HS6ST3: variants seen among roughly 807,000 people sequenced by gnomAD.
HS6ST3 encodes the protein heparan-sulfate 6-O-sulfotransferase 3.
HS6ST3 carries 12 observed loss-of-function variants against 36.7 expected under a neutral mutation model. The ratio of observed to expected loss-of-function variants is 0.33; its 90% confidence interval spans 0.21 to 0.53. The LOEUF (loss-of-function observed/expected upper bound fraction) is 0.53, where lower values mean the gene tolerates loss of function less well. Ranked by LOEUF, HS6ST3 falls within the 20% of genes least tolerant of loss-of-function variation. The pLI is 0.95. For missense variants in HS6ST3, 584 were observed against 640.9 expected, an observed-to-expected ratio of 0.91 and a Z score of 0.96; for synonymous variants, 240 against 257.5, an observed-to-expected ratio of 0.93 and a Z score of 0.65.
chr13:96,785,536 A>G (rs72646743), intron 1 of HS6ST3, among the ~76,000 whole-genome samples: 19,425 of 152,102 alleles, frequency 0.13, 1,850 homozygotes, highest in African/African-American at 0.27. Flanking sequence ...CTCCTGGTCC[A>G]CTGTTGCAAG....
At chr13:96,352,687 G>A (rs190165320) in intron 1 of HS6ST3, among the ~76,000 whole-genome samples, 1 of 152,124 alleles carries the variant, frequency 6.6e-6, no homozygotes, top group Non-Finnish European at 1.5e-5. Context: ...ACCATAGAAG[G>A]TTTAAAAATT....
At chr13:96,104,785 C>T (rs9562026) in intron 1 of HS6ST3, among the ~76,000 whole-genome samples, 7,233 of 152,224 alleles carry the variant, frequency 0.048, 316 homozygotes, top group East Asian at 0.19. Context: ...GCCGTGTTTT[C>T]CCCTCTCCCT....
At chr13:96,831,088 T>G (rs1435135413) in intron 1 of HS6ST3, among the ~76,000 whole-genome samples, 2 of 152,196 alleles carry the variant, frequency 1.3e-5, no homozygotes, top group African/African-American at 4.8e-5. Flanking sequence ...TGTCCTTATT[T>G]TAAACCAGTA....
chr13:96,284,185 G>T (rs904845074), intron 1 of HS6ST3, among the ~76,000 whole-genome samples: 1 of 152,108 alleles, frequency 6.6e-6, no homozygotes, highest in Non-Finnish European at 1.5e-5. Flanking sequence ...TTTTGGTTGT[G>T]TATGAGTCAG....
chr13:96,541,654 G>A (rs1186712847), intron 1 of HS6ST3, among the ~76,000 whole-genome samples: 1 of 152,154 alleles, frequency 6.6e-6, no homozygotes, highest in Non-Finnish European at 1.5e-5. Flanking sequence ...TAACTTTACT[G>A]AGAAGCTTCT....
At chr13:96,101,058 A>C (rs889100306) in intron 1 of HS6ST3, among the ~76,000 whole-genome samples, 12 of 152,214 alleles carry the variant, frequency 7.9e-5, no homozygotes, top group Admixed American at 5.9e-4. Context: ...CTGAGTAATA[A>C]AAATCATGCT....
At chr13:96,205,020 A>C (rs2054362676) in intron 1 of HS6ST3, among the ~76,000 whole-genome samples, 1 of 152,258 alleles carries the variant, frequency 6.6e-6, no homozygotes, top group Non-Finnish European at 1.5e-5. Context: ...AGACACAAAA[A>C]ACTCTTCAAA....
chr13:96,453,982 C>A (rs1219105544), intron 1 of HS6ST3, among the ~76,000 whole-genome samples: 1 of 152,240 alleles, frequency 6.6e-6, no homozygotes, highest in Admixed American at 6.5e-5. Flanking sequence ...TGTTGGTCAT[C>A]ATTGGAAGGA....
At chr13:96,733,610 C>T (rs1876212885) in intron 1 of HS6ST3, among the ~76,000 whole-genome samples, 1 of 152,148 alleles carries the variant, frequency 6.6e-6, no homozygotes, top group Non-Finnish European at 1.5e-5. Context: ...TGATATTTGT[C>T]AATTTTAAAA....
intron 1 of HS6ST3, among the ~76,000 whole-genome samples, chr13:96,529,722 T>C (rs921555615): frequency 5.9e-5 from 9 of 152,198 alleles, no homozygotes; most frequent in African/African-American, 2.2e-4. Flanking sequence ...ATTTAGATGA[T>C]TTTTTAAATA....
intron 1 of HS6ST3, among the ~76,000 whole-genome samples, chr13:96,333,749 C>G (rs2055084998): frequency 6.6e-6 from 1 of 152,070 alleles, no homozygotes; most frequent in Non-Finnish European, 1.5e-5. Context: ...CAGGACACTC[C>G]ACACTGACAC....
Position 96,826,124 on chromosome 13 carries a change from A to T in HS6ST3, c.708-6366A>T, listed in dbSNP as rs557888658. Among the ~76,000 whole-genome samples the T allele has an allele frequency of 2.6e-5, 4 of 152,330 alleles. No homozygotes were observed. The South Asian group carries it at 6.2e-4, about 24-fold the overall frequency. ...GAAGAAAACCAGTAAGTTTAATTTT[A>T]AAAATAAATAAATAAACCTCATTGT... On this transcript the variant is annotated intron_variant, in intron 1 of 1. Transcript: ENST00000376705.
chr13:96,528,555 C>G (rs931435179), intron 1 of HS6ST3, among the ~76,000 whole-genome samples: 1 of 152,022 alleles, frequency 6.6e-6, no homozygotes, highest in Non-Finnish European at 1.5e-5. Context: ...ACTCAATGAA[C>G]CTATAGTTTC....
intron 1 of HS6ST3, among the ~76,000 whole-genome samples, chr13:96,621,736 T>A (rs984506294): frequency 2.0e-5 from 3 of 152,200 alleles, no homozygotes; most frequent in Non-Finnish European, 4.4e-5. Flanking sequence ...AATAAATTGA[T>A]GTCTTGGTTT....
intron 1 of HS6ST3, among the ~76,000 whole-genome samples, chr13:96,304,679 T>TTTTCTTTC (rs56363761): frequency 0.044 from 3,844 of 86,996 alleles, 230 homozygotes; most frequent in East Asian, 0.078. Context: ...TGTTGCATGT[T>TTTTCTTTC]TTTCTTTCTT....
intron 1 of HS6ST3, among the ~76,000 whole-genome samples, chr13:96,770,770 C>T (rs995750342): frequency 1.3e-5 from 2 of 152,134 alleles, no homozygotes; most frequent in African/African-American, 4.8e-5. Flanking sequence ...CTGTGGCCAC[C>T]CTTTGTGGGC....
At chr13:96,217,066 C>T (rs1028380725) in intron 1 of HS6ST3, among the ~76,000 whole-genome samples, 8 of 152,244 alleles carry the variant, frequency 5.3e-5, no homozygotes, top group Middle Eastern at 3.4e-3. Flanking sequence ...TGCTCATCTC[C>T]TTCTTCGATC....
At chr13:96,746,262 A>T (rs1876559195) in intron 1 of HS6ST3, among the ~76,000 whole-genome samples, 1 of 152,096 alleles carries the variant, frequency 6.6e-6, no homozygotes, top group South Asian at 2.1e-4. Context: ...AAAGCTTAAA[A>T]AGGTTAAGTA....
At chr13:96,220,579 C>T (rs988489546) in intron 1 of HS6ST3, among the ~76,000 whole-genome samples, 12 of 152,276 alleles carry the variant, frequency 7.9e-5, no homozygotes, top group African/African-American at 2.9e-4. Context: ...TGATCTGTTT[C>T]ATGTGGACAC....
Sources: gnomAD v4.1 joint callset for allele counts (sites outside exome capture counted in the v4.1 genomes callset) on GRCh38, gnomAD v4.1.1 for gene constraint, MANE v1.5 for transcripts, NCBI Gene and HGNC (gene_info 2026-07-23, HGNC 2026-07-21) for gene names.